Variants in CGNL1 observed in about 807,000 individuals in gnomAD.
The protein encoded by CGNL1 is cingulin-like protein 1.
A neutral mutation model predicts 141.2 loss-of-function variants in CGNL1; 132 were observed. The observed-to-expected ratio is 0.93, with a 90% CI of 0.81 to 1.08. The LOEUF is 1.08. CGNL1 is among the 50% of genes least tolerant of loss of function. The pLI is 0.00. For missense variants in CGNL1, 1,870 were observed against 1,588.6 expected, an observed-to-expected ratio of 1.18 and a Z score of -3.01; for synonymous variants, 690 against 622.1, an observed-to-expected ratio of 1.11 and a Z score of -1.63.
rs571515368 is a variant in CGNL1, at chr15:57,378,458, G to T, written c.-16+1891G>T. ...GTGCAATGGTGCAATCTCAGCTTAC[G>T]GCAGCCTCGGCCTCCCTGGTTCAAA... On this transcript the variant is annotated intron_variant, in intron 1 of 18. Transcript: ENST00000281282. Among the ~76,000 whole-genome samples, 599 of 137,580 alleles carry T rather than the reference G, an allele frequency of 4.4e-3. 1 individual carries two copies. Among genetic ancestry groups the T allele is most frequent in the African/African-American group, 0.016 (576 of 36,484 alleles). The allele number at this position is 137,580 out of a possible 152,430, so 90.3% of individuals were successfully genotyped here. A position where few individuals can be genotyped will look rare whatever the true frequency, so the allele number is the denominator to read the frequency against.
intron 1 of CGNL1, among the ~76,000 whole-genome samples, chr15:57,423,792 T>C (rs2062942663): frequency 6.6e-6 from 1 of 152,206 alleles, no homozygotes; most frequent in South Asian, 2.1e-4. Flanking sequence ...GTTGGCCTGC[T>C]AGAGCATAGA....
Position 57,524,868 on chromosome 15 carries a change from C to T in CGNL1, c.3039+117C>T, listed in dbSNP as rs2270488. 7.1e-6 allele frequency: 7 copies of T among 981,414 alleles called. No homozygotes were observed. The East Asian group carries it at 1.3e-4, about 19-fold the overall frequency. 60.8% of individuals were successfully genotyped at this position (981,414 alleles called of 1,614,324 possible). On this transcript the variant is annotated intron_variant, in intron 12 of 18. Coordinates refer to ENST00000281282, the MANE Select transcript of CGNL1 (RefSeq NM_032866.5). The stretch of plus-strand genomic sequence containing the variant: ...CGTGAGACAGCTTTGGTGCTTGACT[C>T]TTCATTCTTCACCTTCTGGATGGGT...
intron 8 of CGNL1, among the ~76,000 whole-genome samples, chr15:57,471,059 G>A (rs2063575752): frequency 6.6e-6 from 1 of 152,214 alleles, no homozygotes; most frequent in Non-Finnish European, 1.5e-5. Context: ...AATTAGAATT[G>A]CTAGGAAGAC....
At chr15:57,409,036 G>GTC (rs1555431339) in intron 1 of CGNL1, among the ~76,000 whole-genome samples, 5 of 35,824 alleles carry the variant, frequency 1.4e-4, no homozygotes, top group African/African-American at 4.8e-4. Flanking sequence ...GTGAGACTCT[G>GTC]TCACACACAC....
chr15:57,446,966 A>T (rs887891293), intron 4 of CGNL1, among the ~76,000 whole-genome samples: 7 of 151,990 alleles, frequency 4.6e-5, no homozygotes, highest in Non-Finnish European at 8.8e-5. Flanking sequence ...TGGTAGCTTT[A>T]TTCTTCTCCG....
At chr15:57,463,300 G>A (rs2152334892) in intron 8 of CGNL1, among the ~76,000 whole-genome samples, 1 of 152,286 alleles carries the variant, frequency 6.6e-6, no homozygotes. Context: ...AGGATACATG[G>A]TAGGTGAAAG....
At chr15:57,385,068 C>T (rs1664462) in intron 1 of CGNL1, among the ~76,000 whole-genome samples, 43,289 of 152,190 alleles carry the variant, frequency 0.28, 7,718 homozygotes, top group East Asian at 0.56. Flanking sequence ...TTGCAGACTA[C>T]TGAGTGAATC....
At chr15:57,461,577 G>A (rs1354874003) in intron 7 of CGNL1, 103 bp from the exon 8 acceptor site, 8 of 921,060 alleles carry the variant, frequency 8.7e-6, no homozygotes, top group South Asian at 1.4e-5. Flanking sequence ...GCAAGGCCAG[G>A]TGAGATGGCT....
intron 4 of CGNL1, 25 bp downstream of exon 4, chr15:57,442,503 A>G: frequency 7.2e-7 from 1 of 1,398,426 alleles, no homozygotes; most frequent in Non-Finnish European, 1.0e-6. Flanking sequence ...TGTATTTTGT[A>G]GAGTGCATTT....
At chr15:57,396,354 A>C (rs1403476690) in intron 1 of CGNL1, among the ~76,000 whole-genome samples, 1 of 149,218 alleles carries the variant, frequency 6.7e-6, no homozygotes, top group Non-Finnish European at 1.5e-5. Context: ...AGCTCACTGC[A>C]ACCTCCACCT....
At chr15:57,474,524 T>G (rs749519151) in intron 8 of CGNL1, among the ~76,000 whole-genome samples, 3 of 152,184 alleles carry the variant, frequency 2.0e-5, no homozygotes, top group Non-Finnish European at 4.4e-5. Flanking sequence ...GCCCTGTATT[T>G]GCTGTATGAG....
chr15:57,528,294 C>T (rs1392527719), intron 12 of CGNL1, among the ~76,000 whole-genome samples: 1 of 152,036 alleles, frequency 6.6e-6, no homozygotes. Flanking sequence ...TCTTGCAACC[C>T]AGGAATACAC....
At chr15:57,451,626 T>C in intron 5 of CGNL1, 25 bp downstream of exon 5, 1 of 1,509,940 alleles carries the variant, frequency 6.6e-7, no homozygotes, top group Non-Finnish European at 9.1e-7. Flanking sequence ...CTTTATGTTA[T>C]TTTTTCCATT....
At chr15:57,377,901 C>T (rs528088349) in intron 1 of CGNL1, among the ~76,000 whole-genome samples, 83 of 152,290 alleles carry the variant, frequency 5.5e-4, no homozygotes, top group Non-Finnish European at 9.7e-4. Flanking sequence ...GACTCCCCCA[C>T]GTAGATAATG....
Position 57,501,789 on chromosome 15 carries a change from C to T in CGNL1, c.2404-14991C>T, listed in dbSNP as rs146358441. ...GAGGAAAGAGGAAAGGGACTGGCAG[C>T]TAAGGAAGAGATGGAAGCAGCAGTG... On this transcript the variant is annotated intron_variant, in intron 8 of 18. Transcript: ENST00000281282. 4.3e-3 allele frequency among the ~76,000 whole-genome samples: 648 copies of T among 152,136 alleles called. 5 individuals are homozygous for T. The highest frequency in any genetic ancestry group is 0.015 in the African/African-American group (630 of 41,508).
intron 6 of CGNL1, 151 bp from the exon 7 acceptor site, chr15:57,453,532 T>C: frequency 1.1e-6 from 1 of 896,300 alleles, no homozygotes. Context: ...CCTTTTCAGG[T>C]TGGTGATCCC....
In CGNL1 at chr15:57,410,103, A is replaced by G. The variant is rs2062769879; in HGVS notation, c.-15-27882A>G. ...AGGAAGTGGAATCCTGTCTTAGTTC[A>G]GGGGATCATTTGCAGTGTGAGGGTC... On this transcript the variant is annotated intron_variant, in intron 1 of 18. Coordinates refer to ENST00000281282, the MANE Select transcript of CGNL1 (RefSeq NM_032866.5). Among the ~76,000 whole-genome samples the G allele has an allele frequency of 3.9e-5, 6 of 152,294 alleles. No homozygotes were observed. The South Asian group carries it at 1.2e-3, about 32-fold the overall frequency.
At chr15:57,400,030 G>T (rs1403285776) in intron 1 of CGNL1, among the ~76,000 whole-genome samples, 1 of 144,942 alleles carries the variant, frequency 6.9e-6, no homozygotes, top group African/African-American at 2.6e-5. Context: ...GTCTCACTGT[G>T]TCACCAAAGT....
At chr15:57,418,797 C>T (rs886214463) in intron 1 of CGNL1, among the ~76,000 whole-genome samples, 8 of 152,144 alleles carry the variant, frequency 5.3e-5, no homozygotes, top group African/African-American at 1.4e-4. Flanking sequence ...CATGTGTGCC[C>T]GGTGACCTAT....
Sources: gnomAD v4.1 joint callset for allele counts (sites outside exome capture counted in the v4.1 genomes callset) on GRCh38, gnomAD v4.1.1 for gene constraint, MANE v1.5 for transcripts, NCBI Gene and HGNC (gene_info 2026-07-23, HGNC 2026-07-21) for gene names.